Variants in PSMC1 observed in about 807,000 individuals in gnomAD.
PSMC1 encodes the protein proteasome 26S subunit, ATPase 1.
PSMC1 carries 5 observed loss-of-function variants against 49.8 expected under a neutral mutation model. The ratio of observed to expected loss-of-function variants is 0.10; its 90% CI spans 0.05 to 0.21. The LOEUF (loss-of-function observed/expected upper bound fraction) is 0.21, where lower values mean the gene tolerates loss of function less well. PSMC1 is among the 10% of genes least tolerant of loss of function. The probability of loss-of-function intolerance (pLI) is 1.00; values close to 1 mark genes in which losing one functional copy is unlikely to be tolerated. For synonymous variants in PSMC1, 155 were observed against 192.1 expected (o/e 0.81, Z 1.60); for missense variants, 181 against 535.7 (o/e 0.34, Z 6.54).
chr14:90,269,140 T>TA lies in PSMC1; in HGVS notation c.882-257_882-256insA, dbSNP rs1332733786. Reference sequence around the variant, plus strand: ...CTGTATAAGGCTCTGCCTCATGCCTTTAGCCCTTTCCAAAAGGCCTCATCT... The same window carrying TA: ...CTGTATAAGGCTCTGCCTCATGCCTTATAGCCCTTTCCAAAAGGCCTCATCT... On this transcript the variant is annotated intron_variant, in intron 8 of 10. Transcript: ENST00000261303. The TA allele has an allele frequency of 1.7e-4, 74 of 447,402 alleles. No homozygotes were observed. In the East Asian group the frequency reaches 2.9e-3, roughly 18 times the overall value. 27.7% of individuals were successfully genotyped at this position (447,402 alleles called of 1,614,324 possible). A position where few individuals can be genotyped will look rare whatever the true frequency, so the allele number is the denominator to read the frequency against.
rs398118502 is a variant in PSMC1 at position 90,269,390 on chromosome 14, T to TC, written c.882-5dup. 337 of 1,595,860 alleles carry TC rather than the reference T, an allele frequency of 2.1e-4. No homozygotes were observed. The highest frequency in any genetic ancestry group is 1.2e-3 in the East Asian group (55 of 44,712). On this transcript the variant is annotated splice_region_variant and splice_polypyrimidine_tract_variant and intron_variant, in intron 8 of 10. Coordinates refer to ENST00000261303, the MANE Select transcript of PSMC1 (RefSeq NM_002802.3). ...TCTTCATTCCTTCCCTTTTTTTTTT[T>TC]CCAAAGATATGACTCCAATTCTGGT...
At position 90,264,053 on chromosome 14, in the gene PSMC1, A is replaced by T; in HGVS notation, c.478A>T (p.Ile160Leu). ...TGTTTCCTGTTAGGTGCATGCCGTG[A>T]TAGGGGTGCTGATGGATGACACGGA... The part of the protein sequence containing the change: ...VLLNHKVHAV[I>L]GVLMDDTDPL... Residue 160 changes from isoleucine to leucine, a missense_variant, in exon 6 of 11, where the codon ATA (isoleucine) becomes TTA (leucine). Around this residue, in one of 3 missense-constraint regions of PSMC1, gnomAD observed 121 missense variants for 358.6 expected, o/e 0.34. Coordinates refer to ENST00000261303, the MANE Select transcript of PSMC1 (RefSeq NM_002802.3). 1.9e-6 allele frequency: 3 copies of T among 1,611,008 alleles called. No individual in the cohort carries two copies. Among genetic ancestry groups the T allele is most frequent in the East Asian group, 2.2e-5 (1 of 44,862 alleles).
At chr14:90,257,406 T>G (rs1220266335) in intron 1 of PSMC1, among the ~76,000 whole-genome samples, 2 of 152,154 alleles carry the variant, frequency 1.3e-5, no homozygotes, top group Non-Finnish European at 2.9e-5. Context: ...GAGTGGCTGC[T>G]TTTTATAGAG....
intron 8 of PSMC1, 21 bp from the exon 9 acceptor site, chr14:90,269,376 T>TC (rs770192096): frequency 4.0e-5 from 62 of 1,557,012 alleles, no homozygotes; most frequent in Non-Finnish European, 4.6e-5. Context: ...CTTCATTCCT[T>TC]CCCTTTTTTT....
intron 7 of PSMC1, 138 bp from the exon 8 acceptor site, chr14:90,268,086 C>CA (rs1348953807): frequency 4.8e-6 from 3 of 631,246 alleles, no homozygotes; most frequent in Non-Finnish European, 8.0e-6. Context: ...AATGTCGTGA[C>CA]ACTTGAATTG....
rs1873534911 is a variant in PSMC1, at chr14:90,274,787, TA to T, written c.*2381del. 9.0e-6 allele frequency: 1 copy of T among 110,908 alleles called. No individual in the cohort carries two copies. Among genetic ancestry groups the T allele is most frequent in the African/African-American group, 3.2e-5 (1 of 31,734 alleles). The allele number at this position is 110,908 out of a possible 1,614,324, so 6.9% of individuals were successfully genotyped here. Reference sequence around the variant, plus strand: ...CAGTATAGCCCTTTAAATAGGGAACTACACACACACACACACACACACACAC... The same window carrying T: ...CAGTATAGCCCTTTAAATAGGGAACTCACACACACACACACACACACACAC... On this transcript the variant is annotated 3_prime_UTR_variant, in exon 11 of 11. Transcript: ENST00000261303.
rs376453812 is a variant in PSMC1 at position 90,268,425 on chromosome 14, C to T, written c.881+12C>T. 16 of 1,613,468 alleles carry T rather than the reference C, an allele frequency of 9.9e-6. No homozygotes were observed. Among genetic ancestry groups the T allele is most frequent in the South Asian group, 9.9e-5 (9 of 91,000 alleles). ...ATTGGGACAAAAAGGTAGACTTTCT[C>T]ATACTTATTTTGCCTTGTTTAGTAG... On this transcript the variant is annotated intron_variant, in intron 8 of 10. Coordinates refer to ENST00000261303, the MANE Select transcript of PSMC1 (RefSeq NM_002802.3).
intron 5 of PSMC1, 56 bp from the exon 6 acceptor site, chr14:90,263,985 T>C (rs1891455887): frequency 1.3e-6 from 2 of 1,586,514 alleles, no homozygotes; most frequent in East Asian, 4.5e-5. Flanking sequence ...TGCTTTGCTG[T>C]AAACAGATCC....
intron 3 of PSMC1, among the ~76,000 whole-genome samples, chr14:90,260,620 T>G (rs945914257): frequency 5.0e-4 from 76 of 152,196 alleles, no homozygotes; most frequent in African/African-American, 1.8e-3. Flanking sequence ...TAGTCCCAGC[T>G]ACTTGGGAGG....
intron 7 of PSMC1, among the ~76,000 whole-genome samples, chr14:90,265,739 G>A (rs1291571704): frequency 1.3e-5 from 2 of 149,936 alleles, no homozygotes; most frequent in African/African-American, 4.9e-5. Context: ...CATGCCTGTA[G>A]TCCCAGCTAT....
At chr14:90,258,750 G>A (rs6575120) in intron 1 of PSMC1, among the ~76,000 whole-genome samples, 83,833 of 152,060 alleles carry the variant, frequency 0.55, 23,787 homozygotes, top group Middle Eastern at 0.72. Flanking sequence ...GTAAAATGAC[G>A]TAGCTTTCAT....
intron 10 of PSMC1, chr14:90,271,631 TTTTG>T (rs1321804835): frequency 3.9e-5 from 6 of 152,294 alleles, no homozygotes; most frequent in Middle Eastern, 3.4e-3. Flanking sequence ...CAGGGCATAA[TTTTG>T]TTTATTTCCT....
intron 7 of PSMC1, chr14:90,267,923 C>A: frequency 3.6e-6 from 1 of 281,268 alleles, no homozygotes; most frequent in African/African-American, 2.2e-5. Flanking sequence ...AATTATAGTT[C>A]GCAGCTTTTC....
rs921025381 is a variant in PSMC1, at chr14:90,274,144, G to A, written c.*1737G>A. The A allele has an allele frequency of 2.6e-5, 4 of 154,976 alleles. No homozygotes were observed. Among genetic ancestry groups the A allele is most frequent in the African/African-American group, 9.7e-5 (4 of 41,404 alleles). 9.6% of individuals were successfully genotyped at this position (154,976 alleles called of 1,614,324 possible). On this transcript the variant is annotated 3_prime_UTR_variant, in exon 11 of 11. Transcript: ENST00000261303. ...GTAAGGACGGGGTGCTTGTGGGGAGGGCGGGTGTCAGCCCAAGTAGGGTGT... is the reference window on the plus strand; with the variant it reads ...GTAAGGACGGGGTGCTTGTGGGGAGAGCGGGTGTCAGCCCAAGTAGGGTGT...
chr14:90,260,080 G>C, intron 2 of PSMC1, 35 bp from the exon 3 acceptor site: 2 of 1,252,854 alleles, frequency 1.6e-6, no homozygotes, highest in South Asian at 2.6e-5. Context: ...TGATTTTCAT[G>C]TGATTTTTTT....
intron 3 of PSMC1, 48 bp from the exon 4 acceptor site, chr14:90,263,270 G>C (rs1471491938): frequency 6.5e-7 from 1 of 1,535,984 alleles, no homozygotes; most frequent in Non-Finnish European, 8.7e-7. Flanking sequence ...TTCCTTACTT[G>C]CAAACTTCAG....
chr14:90,271,010 T>C (rs946971745), intron 10 of PSMC1: 2 of 152,000 alleles, frequency 1.3e-5, no homozygotes, highest in African/African-American at 4.8e-5. Flanking sequence ...TAGATGTCTC[T>C]GTTGGCAAGT....
rs1891436246 is a variant in PSMC1 at position 90,263,252 on chromosome 14, A to G, written c.155-66A>G. 11 of 1,479,358 alleles carry G rather than the reference A, an allele frequency of 7.4e-6. No homozygotes were observed. The South Asian group carries it at 1.3e-4, about 17-fold the overall frequency. The allele number at this position is 1,479,358 out of a possible 1,614,324, so 91.6% of individuals were successfully genotyped here. On this transcript the variant is annotated intron_variant, in intron 3 of 10. Transcript: ENST00000261303. The stretch of plus-strand genomic sequence containing the variant: ...AAAAATGAGCGTATTTTAAAATCTT[A>G]ATATTTTTTCCTTACTTGCAAACTT...
chr14:90,266,468 T>C (rs976635973), intron 7 of PSMC1, among the ~76,000 whole-genome samples: 1 of 152,180 alleles, frequency 6.6e-6, no homozygotes, highest in East Asian at 1.9e-4. Flanking sequence ...AAGAGATCCC[T>C]CTTCTACAGC....
Sources: allele counts gnomAD v4.1 joint callset (sites outside exome capture counted in the v4.1 genomes callset), GRCh38; gene constraint gnomAD v4.1.1; regional missense constraint gnomAD v4.1.1; transcripts MANE v1.5; gene names NCBI Gene and HGNC (gene_info 2026-07-23, HGNC 2026-07-21).